UNC5D: variants seen among roughly 807,000 people sequenced by gnomAD.
UNC5D encodes unc-5 netrin receptor D.
UNC5D carries 39 observed loss-of-function variants against 105.4 expected under a neutral mutation model. The observed-to-expected ratio is 0.37, with a 90% CI of 0.29 to 0.48. UNC5D has a LOEUF of 0.48. UNC5D is among the 20% of genes least tolerant of loss of function. UNC5D has a pLI of 0.98. For missense variants in UNC5D, 991 were observed against 1,202.4 expected (o/e 0.82, Z 2.60); for synonymous variants, 452 against 450.4 (o/e 1.00, Z -0.04).
At chr8:35,705,467 A>G (rs1827513686) in intron 7 of UNC5D, among the ~76,000 whole-genome samples, 2 of 152,262 alleles carry the variant, frequency 1.3e-5, no homozygotes, top group South Asian at 2.1e-4. Flanking sequence ...ATAAACAGGC[A>G]GAGTTGGGGA....
intron 1 of UNC5D, among the ~76,000 whole-genome samples, chr8:35,442,013 G>A (rs1807437806): frequency 6.6e-6 from 1 of 151,908 alleles, no homozygotes; most frequent in African/African-American, 2.4e-5. Context: ...CATAGCACAT[G>A]TTGTCCTCAG....
At chr8:35,565,739 T>TA (rs1233472170) in intron 2 of UNC5D, among the ~76,000 whole-genome samples, 1 of 152,210 alleles carries the variant, frequency 6.6e-6, no homozygotes, top group Non-Finnish European at 1.5e-5. Flanking sequence ...TTTGAGTTAA[T>TA]TGTTGTATAT....
At chr8:35,387,185 C>A (rs1803460312) in intron 1 of UNC5D, among the ~76,000 whole-genome samples, 1 of 151,722 alleles carries the variant, frequency 6.6e-6, no homozygotes, top group African/African-American at 2.4e-5. Context: ...ATGGTGAAAC[C>A]CTGTCTCTAC....
At chr8:35,359,021 C>T (rs1044900568) in intron 1 of UNC5D, among the ~76,000 whole-genome samples, 1 of 152,078 alleles carries the variant, frequency 6.6e-6, no homozygotes, top group Non-Finnish European at 1.5e-5. Flanking sequence ...CCTGGTGGCT[C>T]ACACCTGTCG....
At chr8:35,671,348 T>C (rs1824791682) in intron 4 of UNC5D, among the ~76,000 whole-genome samples, 1 of 152,214 alleles carries the variant, frequency 6.6e-6, no homozygotes, top group Non-Finnish European at 1.5e-5. Flanking sequence ...GACTTGACTT[T>C]GTTCTTTCCA....
rs529033703 is a variant in UNC5D, at chr8:35,349,413, G to A, written c.103+113526G>A. ...TCTGAATGTTGAGCCATTTCACAAT[G>A]CAATATCAAAACCATTTTCATTACT... On this transcript the variant is annotated intron_variant, in intron 1 of 16. Transcript: ENST00000404895. Among the ~76,000 whole-genome samples, 4 of 152,024 alleles carry A rather than the reference G, an allele frequency of 2.6e-5. 1 individual carries two copies. Among genetic ancestry groups the A allele is most frequent in the African/African-American group, 9.6e-5 (4 of 41,520 alleles).
intron 7 of UNC5D, among the ~76,000 whole-genome samples, chr8:35,705,077 G>C (rs1171092877): frequency 6.8e-6 from 1 of 147,562 alleles, no homozygotes; most frequent in Non-Finnish European, 1.5e-5. Context: ...CCATTCTCCT[G>C]CCTCAGCCTC....
intron 1 of UNC5D, among the ~76,000 whole-genome samples, chr8:35,417,050 A>G (rs2128962443): frequency 6.6e-6 from 1 of 152,308 alleles, no homozygotes; most frequent in East Asian, 1.9e-4. Context: ...AGAATGGAGT[A>G]TCCATCCCCT....
intron 15 of UNC5D, among the ~76,000 whole-genome samples, chr8:35,774,041 T>G (rs537121737): frequency 1.3e-5 from 2 of 152,244 alleles, no homozygotes; most frequent in East Asian, 3.9e-4. Flanking sequence ...GCTCTTTTAA[T>G]GCTGGAAGCT....
intron 2 of UNC5D, among the ~76,000 whole-genome samples, chr8:35,566,422 C>T (rs1817340282): frequency 6.6e-6 from 1 of 152,026 alleles, no homozygotes; most frequent in African/African-American, 2.4e-5. Flanking sequence ...TGCTTCTATC[C>T]CCTGAATTTC....
intron 1 of UNC5D, among the ~76,000 whole-genome samples, chr8:35,417,607 G>A (rs1406215351): frequency 1.3e-5 from 2 of 152,036 alleles, no homozygotes; most frequent in African/African-American, 2.4e-5. Flanking sequence ...TGAAGTAACA[G>A]GTCAAATATA....
chr8:35,685,780 G>A (rs1825966361), intron 6 of UNC5D, among the ~76,000 whole-genome samples: 1 of 152,146 alleles, frequency 6.6e-6, no homozygotes, highest in Non-Finnish European at 1.5e-5. Flanking sequence ...CCAAGACAAG[G>A]ACTCAGACAT....
intron 1 of UNC5D, among the ~76,000 whole-genome samples, chr8:35,379,232 C>T (rs1480437980): frequency 6.6e-6 from 1 of 152,112 alleles, no homozygotes; most frequent in African/African-American, 2.4e-5. Flanking sequence ...ACACAGCTAC[C>T]CAGTGAGGAC....
chr8:35,493,303 A>C (rs1032390344), intron 1 of UNC5D, among the ~76,000 whole-genome samples: 41 of 149,404 alleles, frequency 2.7e-4, no homozygotes, highest in South Asian at 8.4e-4. Flanking sequence ...AAAAAAAAAA[A>C]ACACACCAAA....
chr8:35,256,062 C>T (rs1804054181), intron 1 of UNC5D: 2 of 152,144 alleles, frequency 1.3e-5, no homozygotes, highest in Admixed American at 1.3e-4. Context: ...TCTAAAATTC[C>T]TCATCTATAG....
rs770510983 is a variant in UNC5D at position 35,790,474 on chromosome 8, A to G, written c.2773A>G (p.Ile925Val). 1 of 1,613,854 alleles carries G rather than the reference A, an allele frequency of 6.2e-7. No homozygotes were observed. Among genetic ancestry groups the G allele is most frequent in the Non-Finnish European group, 8.5e-7 (1 of 1,179,878 alleles). The stretch of plus-strand genomic sequence containing the variant: ...CTCCCTGGCCTGTGCCCTTGAAGAG[A>G]TTGGGAGGACACACACGAAACTCTC... ...LDSLACALEE[I>V]GRTHTKLSNI... The change falls in exon 17 of 17, where the codon ATT becomes GTT. Residue 925 changes from isoleucine to valine, a missense_variant. Physicochemically the swap from Ile to Val is conservative, Grantham distance 29 (BLOSUM62 3). Around this residue, in one of 3 missense-constraint regions of UNC5D, gnomAD observed 45 missense variants for 54.5 expected, o/e 0.83. Coordinates refer to ENST00000404895, the MANE Select transcript of UNC5D (RefSeq NM_080872.4).
rs542789262 is a variant in UNC5D at position 35,438,495 on chromosome 8, G to C, written c.104-110797G>C. On this transcript the variant is annotated intron_variant, in intron 1 of 16. Coordinates refer to ENST00000404895, the MANE Select transcript of UNC5D (RefSeq NM_080872.4). Reference sequence around the variant, plus strand: ...TGCTGGGACAACCAGCTTAAAATCAGGTCTGTTCTAAGCAAAGATATGTGG... The same window carrying C: ...TGCTGGGACAACCAGCTTAAAATCACGTCTGTTCTAAGCAAAGATATGTGG... Among the ~76,000 whole-genome samples, 9 of 151,850 alleles carry C rather than the reference G, an allele frequency of 5.9e-5. No homozygotes were observed. In the East Asian group the frequency reaches 1.8e-3, roughly 30 times the overall value.
At chr8:35,246,736 C>T (rs986690925) in intron 1 of UNC5D, among the ~76,000 whole-genome samples, 2 of 152,096 alleles carry the variant, frequency 1.3e-5, no homozygotes, top group African/African-American at 4.8e-5. Flanking sequence ...ATGACTTGGT[C>T]ATGTTTTGTT....
chr8:35,610,185 C>G (rs1820577957), intron 4 of UNC5D, among the ~76,000 whole-genome samples: 1 of 151,680 alleles, frequency 6.6e-6, no homozygotes, highest in Non-Finnish European at 1.5e-5. Context: ...TATCCTACAG[C>G]AACTTTTCTA....
Sources: gnomAD v4.1 joint callset for allele counts (sites outside exome capture counted in the v4.1 genomes callset) on GRCh38, gnomAD v4.1.1 for gene constraint, gnomAD v4.1.1 regional missense constraint, MANE v1.5 for transcripts, NCBI Gene and HGNC (gene_info 2026-07-23, HGNC 2026-07-21) for gene names.